Variants in STX6 observed in about 807,000 individuals in gnomAD.
The protein encoded by STX6 is syntaxin-6.
Under a neutral mutation model 38.0 loss-of-function variants are expected in STX6, and 23 were observed. The observed-to-expected ratio is 0.60, with a 90% CI of 0.43 to 0.86. The LOEUF is 0.86. Among genes scored for constraint, STX6 ranks in the 40% least tolerant of loss-of-function variants. The pLI is 0.00. For synonymous variants in STX6, 123 were observed against 107.5 expected (o/e 1.14, Z -0.89); for missense variants, 274 against 312.9 (o/e 0.88, Z 0.94).
intron 4 of STX6, among the ~76,000 whole-genome samples, chr1:180,990,849 A>G (rs1655737091): frequency 6.6e-6 from 1 of 152,128 alleles, no homozygotes. Context: ...GCAGCCATAA[A>G]TGGGTATGTC....
chr1:180,991,061 T>C (rs542919681), intron 4 of STX6, among the ~76,000 whole-genome samples: 2 of 152,248 alleles, frequency 1.3e-5, no homozygotes, highest in East Asian at 3.9e-4. Context: ...TTAAAAAAAA[T>C]CTCAGGCACT....
At chr1:180,981,685 G>A (rs1655420556) in intron 7 of STX6, among the ~76,000 whole-genome samples, 1 of 152,140 alleles carries the variant, frequency 6.6e-6, no homozygotes, top group Non-Finnish European at 1.5e-5. Flanking sequence ...ACAACCCGAG[G>A]ATGTTCTTTT....
intron 6 of STX6, among the ~76,000 whole-genome samples, chr1:180,985,305 A>C (rs979799645): frequency 7.9e-5 from 12 of 152,224 alleles, no homozygotes; most frequent in African/African-American, 2.9e-4. Context: ...TTACATTGCT[A>C]CCTTCGACAA....
rs77864872 is a variant in STX6 at position 180,972,770 on chromosome 1, A to G, written c.*3800T>C. 5,528 of 384,732 alleles carry G rather than the reference A, an allele frequency of 0.014. 260 individuals carry two copies. The highest frequency in any genetic ancestry group is 0.11 in the African/African-American group (5,091 of 47,674). 23.8% of individuals were successfully genotyped at this position (384,732 alleles called of 1,614,324 possible). The stretch of plus-strand genomic sequence containing the variant: ...TTTCCTTTTCCGGAGACTTTTGTAC[A>G]TACTGTTGTCCTGAGTAACAGTATC... On this transcript the variant is annotated 3_prime_UTR_variant, in exon 8 of 8. Coordinates refer to ENST00000258301, the MANE Select transcript of STX6 (RefSeq NM_005819.6).
chr1:181,014,613 G>C (rs1238629884), intron 1 of STX6, among the ~76,000 whole-genome samples: 1 of 152,062 alleles, frequency 6.6e-6, no homozygotes, highest in Non-Finnish European at 1.5e-5. Flanking sequence ...GAAAAATTCA[G>C]GTTGAGTGAG....
intron 1 of STX6, among the ~76,000 whole-genome samples, chr1:181,008,727 G>GTTT (rs55654509): frequency 0.26 from 27,870 of 108,304 alleles, 3,751 homozygotes; most frequent in African/African-American, 0.38. Flanking sequence ...TTCCAAAATT[G>GTTT]TTTTTTTTTT....
intron 1 of STX6, among the ~76,000 whole-genome samples, chr1:181,020,729 T>G (rs1048728333): frequency 2.2e-4 from 34 of 152,380 alleles, no homozygotes; most frequent in African/African-American, 8.2e-4. Context: ...GGCACTTATC[T>G]GTAGCATTCA....
chr1:181,005,547 G>T, intron 1 of STX6, 84 bp from the exon 2 acceptor site: 1 of 1,329,648 alleles, frequency 7.5e-7, no homozygotes, highest in South Asian at 1.5e-5. Flanking sequence ...TAACATTTAT[G>T]ATCATACACC....
intron 2 of STX6, 75 bp from the exon 3 acceptor site, chr1:181,002,775 C>A: frequency 1.0e-6 from 1 of 957,524 alleles, no homozygotes; most frequent in East Asian, 2.5e-5. Flanking sequence ...CTGAATCTCT[C>A]ACATGCAAAC....
chr1:180,981,424 C>T (rs1337843004), intron 7 of STX6, among the ~76,000 whole-genome samples: 1 of 152,160 alleles, frequency 6.6e-6, no homozygotes, highest in Admixed American at 6.5e-5. Flanking sequence ...GCGATTCTTT[C>T]AGGACAAAAA....
At chr1:181,020,519 C>A (rs577817310) in intron 1 of STX6, among the ~76,000 whole-genome samples, 1 of 152,246 alleles carries the variant, frequency 6.6e-6, no homozygotes, top group Admixed American at 6.5e-5. Context: ...CAATAGATCC[C>A]AGGACAGCTG....
chr1:180,992,012 T>C (rs1484935741), intron 4 of STX6, among the ~76,000 whole-genome samples: 7 of 150,904 alleles, frequency 4.6e-5, no homozygotes, highest in Admixed American at 4.6e-4. Flanking sequence ...ATCTAGAGAA[T>C]AAAACATTCA....
At chr1:181,021,585 T>C (rs892401783) in intron 1 of STX6, among the ~76,000 whole-genome samples, 1 of 152,244 alleles carries the variant, frequency 6.6e-6, no homozygotes, top group Admixed American at 6.5e-5. Context: ...TGGTGATCAG[T>C]ACTGACCTGG....
chr1:181,011,305 G>A (rs1442924943), intron 1 of STX6, among the ~76,000 whole-genome samples: 2 of 152,180 alleles, frequency 1.3e-5, no homozygotes, highest in African/African-American at 2.4e-5. Context: ...CAGTGTATCA[G>A]GGAATCCCAT....
At chr1:181,005,834 A>G (rs1656208892) in intron 1 of STX6, among the ~76,000 whole-genome samples, 1 of 152,192 alleles carries the variant, frequency 6.6e-6, no homozygotes. Context: ...CAGTATTAAT[A>G]ATTTATACTC....
chr1:180,981,494 C>G (rs1454808423), intron 7 of STX6, among the ~76,000 whole-genome samples: 2 of 152,132 alleles, frequency 1.3e-5, no homozygotes, highest in Non-Finnish European at 1.5e-5. Context: ...ATGTTTACCC[C>G]CTTCCCTCAG....
intron 6 of STX6, chr1:180,987,598 G>T (rs1655624976): frequency 1.3e-5 from 2 of 152,092 alleles, no homozygotes; most frequent in Admixed American, 6.6e-5. Context: ...ATATCCTGGT[G>T]GACTGTTTTT....
At chr1:181,013,351 C>G (rs1571353188) in intron 1 of STX6, among the ~76,000 whole-genome samples, 1 of 152,310 alleles carries the variant, frequency 6.6e-6, no homozygotes, top group East Asian at 1.9e-4. Flanking sequence ...GACAGGGTCT[C>G]ACTGTCAACC....
At chr1:181,003,579 G>A (rs1207304573) in intron 2 of STX6, among the ~76,000 whole-genome samples, 1 of 152,038 alleles carries the variant, frequency 6.6e-6, no homozygotes, top group East Asian at 1.9e-4. Flanking sequence ...TAATGTAAAA[G>A]GTACCAGGGT....
Sources: gnomAD v4.1 joint callset for allele counts (sites outside exome capture counted in the v4.1 genomes callset) on GRCh38, gnomAD v4.1.1 for gene constraint, MANE v1.5 for transcripts, NCBI Gene and HGNC (gene_info 2026-07-23, HGNC 2026-07-21) for gene names.